FBXL14: variants seen among roughly 807,000 people sequenced by gnomAD.
FBXL14 encodes the protein F-box/LRR-repeat protein 14.
FBXL14 carries 11 observed loss-of-function variants against 24.5 expected under a neutral mutation model. That is an observed-to-expected ratio of 0.45 (90% CI 0.28 to 0.74). FBXL14 has a LOEUF of 0.74. Among genes scored for constraint, FBXL14 ranks in the 30% least tolerant of loss-of-function variants. The pLI is 0.12. For synonymous variants in FBXL14, 294 were observed against 240.4 expected, an observed-to-expected ratio of 1.22 and a Z score of -2.06; for missense variants, 384 against 545.6, an observed-to-expected ratio of 0.70 and a Z score of 2.95.
Position 1,582,357 on chromosome 12 carries a change from G to C in FBXL14, c.1194+10516C>G, listed in dbSNP as rs554711438. ...CCGAGGAGCAGCTTTAGGAACTGCT[G>C]GTCCTCAGCGTTCACACATTCCCCT... On this transcript the variant is annotated intron_variant, in intron 1 of 1. Coordinates refer to ENST00000339235, the MANE Select transcript of FBXL14 (RefSeq NM_152441.3). 4.6e-5 allele frequency among the ~76,000 whole-genome samples: 7 copies of C among 152,224 alleles called. No homozygotes were observed. In the South Asian group the frequency reaches 1.5e-3, roughly 32 times the overall value.
chr12:1,577,188 G>A (rs1238332530), intron 1 of FBXL14, among the ~76,000 whole-genome samples: 1 of 152,216 alleles, frequency 6.6e-6, no homozygotes, highest in Non-Finnish European at 1.5e-5. Flanking sequence ...CCCTCTGGGG[G>A]CCTGCCCTGT....
At chr12:1,584,074 G>C (rs1007263110) in intron 1 of FBXL14, among the ~76,000 whole-genome samples, 7 of 152,158 alleles carry the variant, frequency 4.6e-5, no homozygotes, top group Non-Finnish European at 8.8e-5. Flanking sequence ...AAAGAAAGCA[G>C]TTGTAGGCTC....
chr12:1,580,634 A>AT (rs2094464491), intron 1 of FBXL14, among the ~76,000 whole-genome samples: 1 of 152,166 alleles, frequency 6.6e-6, no homozygotes, highest in Non-Finnish European at 1.5e-5. Context: ...CCACTTGATT[A>AT]GAGGCCTTTG....
At position 1,594,361 on chromosome 12, in the gene FBXL14, G is replaced by C. The variant is rs1292910258; in HGVS notation, c.-295C>G. Among the ~76,000 whole-genome samples, 1 of 142,096 alleles carries C rather than the reference G, an allele frequency of 7.0e-6. No homozygotes were observed. Among genetic ancestry groups the C allele is most frequent in the Non-Finnish European group, 1.6e-5 (1 of 64,176 alleles). The allele number at this position is 142,096 out of a possible 152,430, so 93.2% of individuals were successfully genotyped here. Reference sequence around the variant, plus strand: ...GGGAAGGCGCCTCGCTCTCGCTCCCGGAGGCCGGCCGCCGCCGCCGCCTCG... The same window carrying C: ...GGGAAGGCGCCTCGCTCTCGCTCCCCGAGGCCGGCCGCCGCCGCCGCCTCG... On this transcript the variant is annotated 5_prime_UTR_variant, in exon 1 of 2. Transcript: ENST00000339235.
chr12:1,575,206 C>T (rs2094453537), intron 1 of FBXL14, among the ~76,000 whole-genome samples: 1 of 152,142 alleles, frequency 6.6e-6, no homozygotes, highest in Non-Finnish European at 1.5e-5. Flanking sequence ...ATAAAGATCC[C>T]CTACAGCTCC....
intron 1 of FBXL14, among the ~76,000 whole-genome samples, chr12:1,572,145 G>A (rs1480948146): frequency 6.6e-6 from 1 of 152,224 alleles, no homozygotes; most frequent in Non-Finnish European, 1.5e-5. Flanking sequence ...AAAAAAAGTA[G>A]GATTTACATG....
In FBXL14 at chr12:1,593,073, G is replaced by T; in HGVS notation, c.994C>A (p.Leu332Met). Residue 332 changes from leucine (L) to methionine (M), a missense_variant, in exon 1 of 2, where the codon CTG (leucine) becomes ATG (methionine). By Grantham distance (15) the Leu-to-Met change is conservative. Coordinates refer to ENST00000339235, the MANE Select transcript of FBXL14 (RefSeq NM_152441.3). This position sits in a 1 kb window ranked among gnomAD's most constrained non-coding sequence, Gnocchi z 7.4. ...INRMVRQMHG[L>M]RTLNIGQCVR... Reference sequence around the variant, plus strand: ...CACTGTCCAATGTTGAGCGTGCGCAGCCCGTGCATCTGCCGCACCATGCGG... The same window carrying T: ...CACTGTCCAATGTTGAGCGTGCGCATCCCGTGCATCTGCCGCACCATGCGG... 1.9e-6 allele frequency: 3 copies of T among 1,612,956 alleles called. No individual in the cohort carries two copies. Among genetic ancestry groups the T allele is most frequent in the Non-Finnish European group, 2.5e-6 (3 of 1,180,036 alleles).
chr12:1,585,860 T>C (rs564923098), intron 1 of FBXL14, among the ~76,000 whole-genome samples: 5 of 152,244 alleles, frequency 3.3e-5, no homozygotes, highest in Non-Finnish European at 7.3e-5. Context: ...GATTCTACTT[T>C]ATAAAAGGAT....
Position 1,593,968 on chromosome 12 carries a change from G to T in FBXL14, c.99C>A (p.Thr33=), listed in dbSNP as rs766124985. 2 of 1,589,538 alleles carry T rather than the reference G, an allele frequency of 1.3e-6. No homozygotes were observed. Among genetic ancestry groups the T allele is most frequent in the Admixed American group, 3.4e-5 (2 of 58,390 alleles). Residue 33 remains threonine (T), a synonymous_variant, in exon 1 of 2, where the codon ACC becomes ACA. Coordinates refer to ENST00000339235, the MANE Select transcript of FBXL14 (RefSeq NM_152441.3). The surrounding 1 kb of genome is among the most constrained non-coding windows in gnomAD (Gnocchi z 7.4). ...RDKGRAAQVC[T]AWRDAAYHKS... The stretch of plus-strand genomic sequence containing the variant: ...TGTGGTAGGCGGCGTCCCGCCAGGC[G>T]GTGCACACCTGCGCCGCGCGCCCCT...
In FBXL14 at chr12:1,593,974, C is replaced by T. The variant is rs1592492512; in HGVS notation, c.93G>A (p.Val31=). 4 of 1,587,336 alleles carry T rather than the reference C, an allele frequency of 2.5e-6. No homozygotes were observed. The highest frequency in any genetic ancestry group is 2.3e-5 in the East Asian group (1 of 44,416). ...AGGCGGCGTCCCGCCAGGCGGTGCACACCTGCGCCGCGCGCCCCTTGTCCC... is the reference window on the plus strand; with the variant it reads ...AGGCGGCGTCCCGCCAGGCGGTGCATACCTGCGCCGCGCGCCCCTTGTCCC... ...DVRDKGRAAQ[V]CTAWRDAAYH... is the part of the protein sequence containing the mutation. The change falls in exon 1 of 2, where the codon GTG becomes GTA. Residue 31 remains valine, a synonymous_variant. Coordinates refer to ENST00000339235, the MANE Select transcript of FBXL14 (RefSeq NM_152441.3). This position sits in a 1 kb window ranked among gnomAD's most constrained non-coding sequence, Gnocchi z 7.4.
In FBXL14 at chr12:1,593,776, G is replaced by C; in HGVS notation, c.291C>G (p.Leu97=). The C allele has an allele frequency of 6.2e-7, 1 of 1,614,208 alleles. No individual in the cohort carries two copies. Among genetic ancestry groups the C allele is most frequent in the Non-Finnish European group, 8.5e-7 (1 of 1,180,026 alleles). The change falls in exon 1 of 2, where the codon CTC becomes CTG. Residue 97 remains leucine (L), a synonymous_variant. Transcript: ENST00000339235. This position sits in a 1 kb window ranked among gnomAD's most constrained non-coding sequence, Gnocchi z 7.4. The part of the protein sequence containing the change: ...QGMANIESLN[L]SGCYNLTDNG... ...TGTCGGTGAGGTTGTAGCAGCCGCT[G>C]AGGTTGAGGCTCTCGATGTTGGCCA...
chr12:1,570,567 C>T (rs545641255), intron 1 of FBXL14, among the ~76,000 whole-genome samples: 194 of 152,176 alleles, frequency 1.3e-3, no homozygotes, highest in African/African-American at 4.3e-3. Flanking sequence ...GATTTCACGC[C>T]GTGGGGTTCC....
At chr12:1,588,805 A>T (rs1432341412) in intron 1 of FBXL14, among the ~76,000 whole-genome samples, 1 of 152,066 alleles carries the variant, frequency 6.6e-6, no homozygotes, top group African/African-American at 2.4e-5. Context: ...ACTGCCCTGG[A>T]GTGCCTTTTA....
rs368750848 is a variant in FBXL14, at chr12:1,593,929, C to T, written c.138G>A (p.Arg46=). 1.9e-6 allele frequency: 3 copies of T among 1,579,208 alleles called. No homozygotes were observed. The highest frequency in any genetic ancestry group is 2.6e-6 in the Non-Finnish European group (3 of 1,169,916). The change falls in exon 1 of 2, where the codon CGG becomes CGA. Residue 46 remains arginine (R), a synonymous_variant. Coordinates refer to ENST00000339235, the MANE Select transcript of FBXL14 (RefSeq NM_152441.3). This position sits in a 1 kb window ranked among gnomAD's most constrained non-coding sequence, Gnocchi z 7.4. ...RDAAYHKSVW[R]GVEAKLHLRR... Reference sequence around the variant, plus strand: ...GCAGGTGCAGCTTGGCCTCCACCCCCCGCCACACCGACTTGTGGTAGGCGG... The same window carrying T: ...GCAGGTGCAGCTTGGCCTCCACCCCTCGCCACACCGACTTGTGGTAGGCGG...
intron 1 of FBXL14, among the ~76,000 whole-genome samples, chr12:1,582,243 AAAAG>A (rs973463452): frequency 4.6e-5 from 7 of 151,816 alleles, no homozygotes; most frequent in Non-Finnish European, 8.8e-5. Flanking sequence ...GAAAGAAAGA[AAAAG>A]AAAAGAAAAG....
intron 1 of FBXL14, among the ~76,000 whole-genome samples, chr12:1,571,897 T>C (rs1485340105): frequency 6.6e-6 from 1 of 152,244 alleles, no homozygotes; most frequent in Admixed American, 6.5e-5. Context: ...CCCAGCACTT[T>C]CCTGGGTGCA....
At chr12:1,592,704 G>A (rs1565591688) in intron 1 of FBXL14, among the ~76,000 whole-genome samples, 169 bp downstream of exon 1, 1 of 152,254 alleles carries the variant, frequency 6.6e-6, no homozygotes, top group Non-Finnish European at 1.5e-5. Context: ...GAAGCCGGGA[G>A]GGGGCTGGAG....
chr12:1,576,513 C>T (rs1305060363), intron 1 of FBXL14, among the ~76,000 whole-genome samples: 2 of 152,182 alleles, frequency 1.3e-5, no homozygotes, highest in Non-Finnish European at 2.9e-5. Flanking sequence ...AACCTCAGTT[C>T]CCGCTCCTTA....
At chr12:1,590,903 C>T (rs1339191524) in intron 1 of FBXL14, among the ~76,000 whole-genome samples, 2 of 152,164 alleles carry the variant, frequency 1.3e-5, no homozygotes, top group African/African-American at 4.8e-5. Context: ...TTCAGTCCTT[C>T]CACCTTCACA....
Sources: allele counts gnomAD v4.1 joint callset (sites outside exome capture counted in the v4.1 genomes callset), GRCh38; gene constraint gnomAD v4.1.1; non-coding constraint Gnocchi (gnomAD v3.1); transcripts MANE v1.5; gene names NCBI Gene and HGNC (gene_info 2026-07-23, HGNC 2026-07-21).